ZSWIM5: variants seen among roughly 807,000 people sequenced by gnomAD.
ZSWIM5 encodes zinc finger SWIM domain-containing protein 5.
In ZSWIM5, 55 loss-of-function variants were observed where a neutral mutation model predicts 119.6. That is an observed-to-expected ratio of 0.46 (90% CI 0.37 to 0.58). The LOEUF is 0.58. ZSWIM5 is among the 20% of genes least tolerant of loss of function. The pLI, the probability that ZSWIM5 is intolerant of heterozygous loss-of-function variation, is 0.00. For synonymous variants in ZSWIM5, 537 were observed against 606.9 expected (o/e 0.88, Z 1.69); for missense variants, 1,193 against 1,512.8 (o/e 0.79, Z 3.51).
intron 1 of ZSWIM5, among the ~76,000 whole-genome samples, chr1:45,179,614 G>C (rs1216631692): frequency 2.0e-5 from 3 of 152,060 alleles, no homozygotes; most frequent in African/African-American, 7.2e-5. Flanking sequence ...GTTGAAAAAA[G>C]ATAAAACTTC....
intron 11 of ZSWIM5, among the ~76,000 whole-genome samples, chr1:45,030,798 C>CTTTTT (rs56045429): frequency 2.0e-4 from 27 of 133,040 alleles, no homozygotes; most frequent in Admixed American, 2.4e-4. Flanking sequence ...TTCATTCTTT[C>CTTTTT]TTTTTTTTTT....
chr1:45,186,007 T>G (rs1646056061), intron 1 of ZSWIM5, among the ~76,000 whole-genome samples: 1 of 151,970 alleles, frequency 6.6e-6, no homozygotes, highest in South Asian at 2.1e-4. Context: ...AACCCAAATG[T>G]CCAACAATGA....
At chr1:45,087,847 AC>A (rs747321331) in intron 2 of ZSWIM5, 33 bp downstream of exon 2, 9 of 1,502,960 alleles carry the variant, frequency 6.0e-6, no homozygotes, top group Middle Eastern at 2.2e-4. Flanking sequence ...GATGAAAAAG[AC>A]CTTTTTTTTC....
At chr1:45,138,524 A>C (rs891163398) in intron 1 of ZSWIM5, among the ~76,000 whole-genome samples, 2 of 149,956 alleles carry the variant, frequency 1.3e-5, no homozygotes, top group African/African-American at 4.9e-5. Flanking sequence ...AAAAAAAAAA[A>C]GAAAGGAAGA....
intron 2 of ZSWIM5, among the ~76,000 whole-genome samples, chr1:45,061,599 G>A (rs925966434): frequency 2.0e-5 from 3 of 151,408 alleles, no homozygotes; most frequent in African/African-American, 7.3e-5. Flanking sequence ...TCAAACTCCT[G>A]GCCTCAAGTG....
chr1:45,130,506 A>G (rs1288966141), intron 1 of ZSWIM5, among the ~76,000 whole-genome samples: 1 of 152,178 alleles, frequency 6.6e-6, no homozygotes, highest in African/African-American at 2.4e-5. Flanking sequence ...ATAACAGGCC[A>G]CTAGGGAAAA....
At chr1:45,128,661 A>C (rs1645636183) in intron 1 of ZSWIM5, among the ~76,000 whole-genome samples, 1 of 152,222 alleles carries the variant, frequency 6.6e-6, no homozygotes, top group South Asian at 2.1e-4. Context: ...ATTAGGGTCC[A>C]TCCTTTATGT....
intron 5 of ZSWIM5, among the ~76,000 whole-genome samples, chr1:45,044,723 C>CAAA (rs869224710): frequency 6.8e-4 from 3 of 4,402 alleles, no homozygotes; most frequent in African/African-American, 2.6e-3. Context: ...GACTCCGTCT[C>CAAA]AAAAAAAAAA....
rs1234499493 is a variant in ZSWIM5, at chr1:45,070,123, T to A, written c.953-9876A>T. On this transcript the variant is annotated intron_variant, in intron 2 of 13. Coordinates refer to ENST00000359600, the MANE Select transcript of ZSWIM5 (RefSeq NM_020883.2). Reference sequence around the variant, plus strand: ...TTTGGTGCATTCGATCAGTCCAGGATTATGAAACCTAAACCTCCCACTGTA... The same window carrying A: ...TTTGGTGCATTCGATCAGTCCAGGAATATGAAACCTAAACCTCCCACTGTA... The A allele has an allele frequency of 2.1e-5, 22 of 1,049,452 alleles. No homozygotes were observed. In the South Asian group the frequency reaches 2.8e-4, roughly 13 times the overall value. The allele number at this position is 1,049,452 out of a possible 1,614,324, so 65.0% of individuals were successfully genotyped here. A position where few individuals can be genotyped will look rare whatever the true frequency, so the allele number is the denominator to read the frequency against.
chr1:45,179,995 G>A (rs560838365), intron 1 of ZSWIM5, among the ~76,000 whole-genome samples: 3 of 152,194 alleles, frequency 2.0e-5, no homozygotes, highest in African/African-American at 7.2e-5. Context: ...ACAGCTCCCA[G>A]TGTGAGCGAC....
chr1:45,095,134 T>A (rs1645392434), intron 1 of ZSWIM5, among the ~76,000 whole-genome samples: 2 of 110,186 alleles, frequency 1.8e-5, no homozygotes, highest in African/African-American at 8.8e-5. Context: ...TAATTAACTT[T>A]TTTTTTTTTT....
chr1:45,203,356 TTC>T (rs1389932557), intron 1 of ZSWIM5, among the ~76,000 whole-genome samples: 1 of 151,990 alleles, frequency 6.6e-6, no homozygotes, highest in Non-Finnish European at 1.5e-5. Context: ...TGTTTGTGCT[TTC>T]TTTTTTCATT....
chr1:45,115,885 G>A (rs1645554385), intron 1 of ZSWIM5, among the ~76,000 whole-genome samples: 1 of 152,200 alleles, frequency 6.6e-6, no homozygotes, highest in Non-Finnish European at 1.5e-5. Flanking sequence ...TTGGCACTTT[G>A]GGAGGCCAAG....
At chr1:45,066,850 G>T (rs1247959309) in intron 2 of ZSWIM5, among the ~76,000 whole-genome samples, 1 of 152,154 alleles carries the variant, frequency 6.6e-6, no homozygotes, top group African/African-American at 2.4e-5. Flanking sequence ...ATAGTGGTTT[G>T]ATTTAATAGG....
In ZSWIM5 at chr1:45,018,565, G is replaced by A. The variant is rs1243678626; in HGVS notation, c.3447C>T (p.Phe1149=). 2.5e-6 allele frequency: 4 copies of A among 1,614,214 alleles called. No homozygotes were observed. The highest frequency in any genetic ancestry group is 1.1e-5 in the South Asian group (1 of 91,088). ...IEFLSKARET[F]LLPQDGHLQF... Reference sequence around the variant, plus strand: ...GCAGGTGGCCATCCTGGGGCAGCAGGAAGGTCTCCCGAGCCTTGCTTAGAA... The same window carrying A: ...GCAGGTGGCCATCCTGGGGCAGCAGAAAGGTCTCCCGAGCCTTGCTTAGAA... Residue 1149 remains phenylalanine (F), a synonymous_variant, in exon 14 of 14, where the codon TTC becomes TTT. Coordinates refer to ENST00000359600, the MANE Select transcript of ZSWIM5 (RefSeq NM_020883.2). The surrounding 1 kb of genome is among the most constrained non-coding windows in gnomAD (Gnocchi z 6.7).
At chr1:45,034,551 G>A (rs1183714093) in intron 10 of ZSWIM5, 82 bp from the exon 11 acceptor site, 3 of 1,468,930 alleles carry the variant, frequency 2.0e-6, no homozygotes, top group Non-Finnish European at 2.7e-6. Context: ...CTCTTTGCTG[G>A]GGAGGAACTG....
chr1:45,194,681 T>A (rs1026652558), intron 1 of ZSWIM5, among the ~76,000 whole-genome samples: 1 of 152,062 alleles, frequency 6.6e-6, no homozygotes. Flanking sequence ...ATCGAGACCA[T>A]CCTGGCTAAC....
chr1:45,157,562 T>C (rs1011451640), intron 1 of ZSWIM5, among the ~76,000 whole-genome samples: 1 of 152,216 alleles, frequency 6.6e-6, no homozygotes, highest in Non-Finnish European at 1.5e-5. Context: ...TGTATGAATA[T>C]ACCAGTTTGT....
chr1:45,045,948 G>C (rs1196243421), intron 5 of ZSWIM5, among the ~76,000 whole-genome samples: 2 of 152,010 alleles, frequency 1.3e-5, no homozygotes, highest in Non-Finnish European at 2.9e-5. Flanking sequence ...TATATAGAAT[G>C]GTCTCCAGGC....
Sources: gnomAD v4.1 joint callset for allele counts (sites outside exome capture counted in the v4.1 genomes callset) on GRCh38, gnomAD v4.1.1 for gene constraint, Gnocchi (gnomAD v3.1) non-coding constraint, MANE v1.5 for transcripts, NCBI Gene and HGNC (gene_info 2026-07-23, HGNC 2026-07-21) for gene names.